Variants in SPEF2 observed in about 807,000 individuals in gnomAD.
SPEF2 encodes the protein sperm flagellar and cilia associated 2, also known as sperm flagella and cilia-associated protein 2.
A neutral mutation model predicts 224.6 loss-of-function variants in SPEF2; 187 were observed. The observed-to-expected ratio is 0.83, with a 90% CI of 0.74 to 0.94. SPEF2 has a LOEUF of 0.94. Ranked by LOEUF, SPEF2 falls within the 40% of genes least tolerant of loss-of-function variation. The probability of loss-of-function intolerance (pLI) is 0.00; values close to 1 mark genes in which losing one functional copy is unlikely to be tolerated. For synonymous variants in SPEF2, 715 were observed against 707.3 expected, an observed-to-expected ratio of 1.01 and a Z score of -0.17; for missense variants, 2,170 against 2,135.6, an observed-to-expected ratio of 1.02 and a Z score of -0.32.
chr5:35,786,970 G>A (rs1483663698), intron 30 of SPEF2, among the ~76,000 whole-genome samples: 4 of 152,134 alleles, frequency 2.6e-5, no homozygotes, highest in African/African-American at 4.8e-5. Flanking sequence ...TTTATTATAT[G>A]ATAAAACAGG....
At chr5:35,639,660 A>G (rs943180783) in intron 2 of SPEF2, among the ~76,000 whole-genome samples, 8 of 149,166 alleles carry the variant, frequency 5.4e-5, no homozygotes, top group African/African-American at 2.0e-4. Flanking sequence ...AATTGAGAAG[A>G]TTTGTTTTTT....
intron 30 of SPEF2, among the ~76,000 whole-genome samples, chr5:35,785,884 G>A (rs376885911): frequency 1.4e-4 from 21 of 151,946 alleles, no homozygotes; most frequent in Admixed American, 5.2e-4. Flanking sequence ...CAAAATCTGC[G>A]CAGCTGCTCC....
intron 12 of SPEF2, among the ~76,000 whole-genome samples, chr5:35,693,300 C>G (rs1042108256): frequency 6.6e-6 from 1 of 152,136 alleles, no homozygotes. Flanking sequence ...AGGAGGACTC[C>G]TGTCTTTGTC....
intron 10 of SPEF2, chr5:35,671,531 G>A (rs1240702963): frequency 3.1e-6 from 3 of 982,496 alleles, no homozygotes; most frequent in African/African-American, 3.5e-5. Flanking sequence ...CCTGTGTTAA[G>A]GTATTTCTTT....
Position 35,763,568 on chromosome 5 carries a change from C to G in SPEF2, c.3667C>G (p.Pro1223Ala). Residue 1223 changes from proline (P) to alanine (A), a missense_variant, in exon 26 of 37, where the codon CCC (proline) becomes GCC (alanine). By Grantham distance (27) the Pro-to-Ala change is conservative (BLOSUM62 -1). Coordinates refer to ENST00000356031, the MANE Select transcript of SPEF2 (RefSeq NM_024867.4). ...RISISLETVT[P>A]KPKTKSVLKG... ...ATCCATTTCTCTGGAAACAGTTACA[C>G]CCAAACCAAAAACAAAATCAGTACT... 2 of 1,612,726 alleles carry G rather than the reference C, an allele frequency of 1.2e-6. No homozygotes were observed. The highest frequency in any genetic ancestry group is 1.3e-5 in the African/African-American group (1 of 74,972).
intron 6 of SPEF2, 127 bp downstream of exon 6, chr5:35,649,552 C>G: frequency 1.5e-6 from 1 of 648,902 alleles, no homozygotes; most frequent in Non-Finnish European, 2.5e-6. Flanking sequence ...AATCTTGATT[C>G]AGAGAGTAAT....
chr5:35,781,921 G>A lies in SPEF2; in HGVS notation c.4447+2575G>A, dbSNP rs193246334. The stretch of plus-strand genomic sequence containing the variant: ...TATTACTCCATTTTTCTGCATCCCA[G>A]AGTCACAGAATTGGAGGTTCTCTAC... On this transcript the variant is annotated intron_variant, in intron 30 of 36. Transcript: ENST00000356031. Among the ~76,000 whole-genome samples the A allele has an allele frequency of 4.6e-3, 699 of 152,190 alleles. 27 individuals carry two copies. The highest frequency in any genetic ancestry group is 0.043 in the Admixed American group (653 of 15,278).
At chr5:35,807,794 T>C in intron 36 of SPEF2, 1 of 1,535,260 alleles carries the variant, frequency 6.5e-7, no homozygotes, top group South Asian at 1.2e-5. Flanking sequence ...AACTCAGAAA[T>C]CACATAACCA....
At chr5:35,639,983 G>A (rs1355470820) in intron 2 of SPEF2, among the ~76,000 whole-genome samples, 1 of 152,120 alleles carries the variant, frequency 6.6e-6, no homozygotes, top group Non-Finnish European at 1.5e-5. Flanking sequence ...CCCCAAATTT[G>A]ATTGATTAGA....
intron 26 of SPEF2, among the ~76,000 whole-genome samples, chr5:35,770,985 A>G (rs1427033272): frequency 7.9e-5 from 12 of 152,160 alleles, no homozygotes; most frequent in Admixed American, 7.9e-4. Context: ...CTCAAGTAGA[A>G]TAGGAGCCCA....
rs1423235736 is a variant in SPEF2, at chr5:35,714,673, G to GGTTT, written c.2914+1788_2914+1791dup. On this transcript the variant is annotated intron_variant, in intron 20 of 36. Coordinates refer to ENST00000356031, the MANE Select transcript of SPEF2 (RefSeq NM_024867.4). ...TTAGGTTAGGTTGGTTTGTCTTTTG[G>GGTTT]GTTTATTTTTATTTATTTATTTATT... 2.2e-4 allele frequency among the ~76,000 whole-genome samples: 25 copies of GGTTT among 115,440 alleles called. No homozygotes were observed. In the East Asian group the frequency reaches 6.5e-3, roughly 30 times the overall value. The allele number at this position is 115,440 out of a possible 152,430, so 75.7% of individuals were successfully genotyped here. A position where few individuals can be genotyped will look rare whatever the true frequency, so the allele number is the denominator to read the frequency against.
At chr5:35,792,223 C>T in intron 30 of SPEF2, 117 bp from the exon 31 acceptor site, 17 of 578,916 alleles carry the variant, frequency 2.9e-5, no homozygotes, top group Middle Eastern at 4.7e-4. Flanking sequence ...TAAAACTTAC[C>T]ATTTTATATA....
intron 2 of SPEF2, among the ~76,000 whole-genome samples, chr5:35,635,803 T>G (rs572833079): frequency 6.6e-6 from 1 of 152,326 alleles, no homozygotes; most frequent in East Asian, 1.9e-4. Context: ...CCTCATAGAG[T>G]GTTTATGTAA....
intron 6 of SPEF2, among the ~76,000 whole-genome samples, chr5:35,653,279 G>A (rs1748455100): frequency 6.6e-6 from 1 of 152,170 alleles, no homozygotes; most frequent in Admixed American, 6.5e-5. Flanking sequence ...TGAATCTCTA[G>A]GGCATGAGCA....
At chr5:35,753,485 A>G (rs903303371) in intron 23 of SPEF2, 139 bp from the exon 24 acceptor site, 12 of 1,106,338 alleles carry the variant, frequency 1.1e-5, no homozygotes, top group South Asian at 1.5e-5. Flanking sequence ...GAATGAGCAC[A>G]TACAATACAG....
Position 35,641,446 on chromosome 5 carries a change from A to C in SPEF2, c.177A>C (p.Lys59Asn). ...TACTGTCCAGGGTTTCAAGTGCCAAACTTAATAATTTTTCTCGCTTGGAGC... is the reference window on the plus strand; with the variant it reads ...TACTGTCCAGGGTTTCAAGTGCCAACCTTAATAATTTTTCTCGCTTGGAGC... ...EFLDSRVSSA[K>N]LNNFSRLEPT... The change falls in exon 3 of 37, where the codon AAA (lysine) becomes AAC (asparagine). Residue 59 changes from lysine (K) to asparagine (N), a missense_variant. Transcript: ENST00000356031. 1 of 1,612,836 alleles carries C rather than the reference A, an allele frequency of 6.2e-7. No individual in the cohort carries two copies. Among genetic ancestry groups the C allele is most frequent in the Non-Finnish European group, 8.5e-7 (1 of 1,179,482 alleles).
chr5:35,680,476 G>A (rs544678246), intron 10 of SPEF2, among the ~76,000 whole-genome samples: 6 of 152,012 alleles, frequency 3.9e-5, no homozygotes, highest in Non-Finnish European at 7.4e-5. Context: ...CATTTATTCC[G>A]TTCACATATA....
chr5:35,734,954 C>A (rs897369839), intron 21 of SPEF2, among the ~76,000 whole-genome samples: 11 of 152,174 alleles, frequency 7.2e-5, no homozygotes, highest in Admixed American at 5.9e-4. Context: ...TCAAGATCCA[C>A]CCACCTTGGC....
At chr5:35,773,830 A>C (rs1189121851) in intron 27 of SPEF2, 63 bp from the exon 28 acceptor site, 1 of 1,541,222 alleles carries the variant, frequency 6.5e-7, no homozygotes, top group African/African-American at 1.4e-5. Context: ...CATTCTGTCC[A>C]AGTACTATGT....
Sources: allele counts gnomAD v4.1 joint callset (sites outside exome capture counted in the v4.1 genomes callset), GRCh38; gene constraint gnomAD v4.1.1; transcripts MANE v1.5; gene names NCBI Gene and HGNC (gene_info 2026-07-23, HGNC 2026-07-21).